ATG10: variants seen among roughly 807,000 people sequenced by gnomAD.
ATG10 encodes the protein autophagy related 10.
Under a neutral mutation model 32.1 loss-of-function variants are expected in ATG10, and 30 were observed. The ratio of observed to expected loss-of-function variants is 0.94; its 90% CI spans 0.70 to 1.27. ATG10 has a LOEUF of 1.27. Ranked by LOEUF, ATG10 falls within the 50% of genes most tolerant of loss-of-function variation. The pLI is 0.00. For missense variants in ATG10, 233 were observed against 262.3 expected (o/e 0.89, Z 0.77); for synonymous variants, 87 against 91.5 (o/e 0.95, Z 0.28).
chr5:82,120,659 GT>G (rs952178976), intron 3 of ATG10, among the ~76,000 whole-genome samples: 41 of 142,406 alleles, frequency 2.9e-4, no homozygotes, highest in African/African-American at 5.0e-4. Context: ...ACTTTTTTCT[GT>G]TTTTTTTTTA....
rs186450550 is a variant in ATG10, at chr5:82,230,648, G to A, written c.454-21914G>A. Among the ~76,000 whole-genome samples the A allele has an allele frequency of 8.4e-4, 124 of 147,494 alleles. No homozygotes were observed. In the East Asian group the frequency reaches 0.018, roughly 21 times the overall value. ...CTCAGGAGGCTGAGGCAAGAGAATC[G>A]CTTGAACCGGGGAGGCAGAAGTTGC... On this transcript the variant is annotated intron_variant, in intron 5 of 7. Coordinates refer to ENST00000282185, the MANE Select transcript of ATG10 (RefSeq NM_031482.5).
Position 81,990,563 on chromosome 5 carries a change from T to C in ATG10, c.108+2885T>C, listed in dbSNP as rs115876458. On this transcript the variant is annotated intron_variant, in intron 2 of 7. Coordinates refer to ENST00000282185, the MANE Select transcript of ATG10 (RefSeq NM_031482.5). ...TGTAAACTAATGCCCCAGAACCAGT[T>C]TTCAGGATTTGTTTCTATTATTGAC... is the stretch of plus-strand genomic sequence containing the variant. Among the ~76,000 whole-genome samples the C allele has an allele frequency of 4.6e-3, 704 of 152,302 alleles. 4 individuals are homozygous for C. Among genetic ancestry groups the C allele is most frequent in the African/African-American group, 0.015 (637 of 41,574 alleles).
At chr5:82,035,403 T>C (rs1762887594) in intron 2 of ATG10, among the ~76,000 whole-genome samples, 1 of 152,202 alleles carries the variant, frequency 6.6e-6, no homozygotes, top group South Asian at 2.1e-4. Flanking sequence ...AAGTGCTCAA[T>C]AATATTTATT....
At chr5:82,200,874 T>TATTC (rs1745045280) in intron 5 of ATG10, among the ~76,000 whole-genome samples, 2 of 131,004 alleles carry the variant, frequency 1.5e-5, no homozygotes, top group South Asian at 5.0e-4. Flanking sequence ...ATTATTTATT[T>TATTC]ATTTATTTAT....
chr5:82,090,067 A>G (rs1443549797), intron 3 of ATG10, among the ~76,000 whole-genome samples: 1 of 151,730 alleles, frequency 6.6e-6, no homozygotes, highest in African/African-American at 2.4e-5. Context: ...TGCCTTAAAA[A>G]AAAAAAACCC....
Position 82,139,638 on chromosome 5 carries a change from C to A in ATG10, c.217-24761C>A, listed in dbSNP as rs1476348447. 2.2e-5 allele frequency among the ~76,000 whole-genome samples: 3 copies of A among 137,984 alleles called. No homozygotes were observed. In the East Asian group the frequency reaches 6.6e-4, roughly 30 times the overall value. 90.5% of individuals were successfully genotyped at this position (137,984 alleles called of 152,430 possible). A position where few individuals can be genotyped will look rare whatever the true frequency, so the allele number is the denominator to read the frequency against. On this transcript the variant is annotated intron_variant, in intron 3 of 7. Transcript: ENST00000282185. Reference sequence around the variant, plus strand: ...CCCATCTGGGAAGTGAGGAGCGTCTCCGCCCAGCAGCCACCCCATCTGGGA... The same window carrying A: ...CCCATCTGGGAAGTGAGGAGCGTCTACGCCCAGCAGCCACCCCATCTGGGA...
chr5:82,211,432 TTCTC>T (rs1050128254), intron 5 of ATG10, among the ~76,000 whole-genome samples: 5 of 152,176 alleles, frequency 3.3e-5, no homozygotes, highest in African/African-American at 1.2e-4. Flanking sequence ...TGTCTGTCCT[TTCTC>T]TCCTCTGACC....
At chr5:82,250,830 T>C (rs1277209376) in intron 5 of ATG10, among the ~76,000 whole-genome samples, 1 of 152,162 alleles carries the variant, frequency 6.6e-6, no homozygotes, top group Non-Finnish European at 1.5e-5. Flanking sequence ...AAAAAGATGA[T>C]TGATTAATAT....
At chr5:82,180,187 A>G (rs1744178129) in intron 5 of ATG10, among the ~76,000 whole-genome samples, 1 of 152,142 alleles carries the variant, frequency 6.6e-6, no homozygotes, top group Non-Finnish European at 1.5e-5. Context: ...CCTGGTTCCA[A>G]CCTGCTCTTC....
chr5:82,145,867 C>T (rs769340742), intron 3 of ATG10, among the ~76,000 whole-genome samples: 3 of 151,896 alleles, frequency 2.0e-5, no homozygotes, highest in Admixed American at 6.6e-5. Flanking sequence ...CCACCATGTC[C>T]GGCTAATTTT....
At chr5:82,216,693 C>A (rs1398799811) in intron 5 of ATG10, among the ~76,000 whole-genome samples, 1 of 152,122 alleles carries the variant, frequency 6.6e-6, no homozygotes, top group Non-Finnish European at 1.5e-5. Flanking sequence ...TGTAATATGC[C>A]AAACCAATAA....
At chr5:82,090,418 T>C (rs1450818714) in intron 3 of ATG10, among the ~76,000 whole-genome samples, 1 of 152,246 alleles carries the variant, frequency 6.6e-6, no homozygotes, top group Non-Finnish European at 1.5e-5. Context: ...TCCATTATTC[T>C]ATTCAGCAAT....
At chr5:82,043,062 A>G (rs1177263348) in intron 2 of ATG10, among the ~76,000 whole-genome samples, 1 of 152,178 alleles carries the variant, frequency 6.6e-6, no homozygotes, top group Non-Finnish European at 1.5e-5. Flanking sequence ...CTGCCCTAGT[A>G]GAGGCTCTCC....
chr5:82,083,479 G>A (rs1484833649), intron 3 of ATG10, among the ~76,000 whole-genome samples: 2 of 152,216 alleles, frequency 1.3e-5, no homozygotes, highest in East Asian at 1.9e-4. Context: ...TTTGAAGAGA[G>A]TAGTGGTCCT....
intron 2 of ATG10, among the ~76,000 whole-genome samples, chr5:82,006,064 T>C (rs1236173156): frequency 6.6e-6 from 1 of 152,194 alleles, no homozygotes; most frequent in African/African-American, 2.4e-5. Context: ...TTAAATTTCA[T>C]TTTATTCTGA....
intron 3 of ATG10, among the ~76,000 whole-genome samples, chr5:82,150,315 A>G (rs1767541560): frequency 6.6e-6 from 1 of 152,000 alleles, no homozygotes; most frequent in South Asian, 2.1e-4. Context: ...AAATCAAGTC[A>G]CTACGTATAA....
At chr5:82,241,986 C>T (rs1191423173) in intron 5 of ATG10, among the ~76,000 whole-genome samples, 6 of 151,904 alleles carry the variant, frequency 3.9e-5, no homozygotes, top group Non-Finnish European at 7.4e-5. Context: ...AAAGAATTAC[C>T]ATATTTGTAG....
chr5:82,072,490 A>G (rs1437759681), intron 3 of ATG10, among the ~76,000 whole-genome samples: 1 of 152,176 alleles, frequency 6.6e-6, no homozygotes, highest in Non-Finnish European at 1.5e-5. Context: ...TTTTGAATGA[A>G]TGACATACTG....
At chr5:82,164,838 A>G (rs1369202187) in intron 4 of ATG10, among the ~76,000 whole-genome samples, 1 of 152,230 alleles carries the variant, frequency 6.6e-6, no homozygotes, top group Non-Finnish European at 1.5e-5. Flanking sequence ...AACAACTTAA[A>G]GCTACAATGT....
Sources: allele counts gnomAD v4.1 joint callset (sites outside exome capture counted in the v4.1 genomes callset), GRCh38; gene constraint gnomAD v4.1.1; transcripts MANE v1.5; gene names NCBI Gene and HGNC (gene_info 2026-07-23, HGNC 2026-07-21).